Variants in CSRNP1 observed in about 807,000 individuals in gnomAD.
The protein encoded by CSRNP1 is cysteine and serine rich nuclear protein 1.
CSRNP1 carries 8 observed loss-of-function variants against 25.0 expected under a neutral mutation model. That is an observed-to-expected ratio of 0.32 (90% CI 0.19 to 0.58). The LOEUF is 0.58. Among genes scored for constraint, CSRNP1 ranks in the 20% least tolerant of loss-of-function variants. CSRNP1 has a pLI of 0.88. For missense variants in CSRNP1, 691 were observed against 773.1 expected (o/e 0.89, Z 1.26); for synonymous variants, 305 against 303.1 (o/e 1.01, Z -0.06).
chr3:39,144,289 G>A lies in CSRNP1; in HGVS notation c.628C>T (p.Leu210=). 1 of 1,614,156 alleles carries A rather than the reference G, an allele frequency of 6.2e-7. No homozygotes were observed. Among genetic ancestry groups the A allele is most frequent in the Non-Finnish European group, 8.5e-7 (1 of 1,180,016 alleles). ...QPYPARRRRA[L]LRASGVRRID... ...CTTCGCACACCTGAAGCCCTCAGCA[G>A]AGCTCGACGTCGCCGGGCTGGGTAG... Residue 210 remains leucine, a synonymous_variant, in exon 4 of 5, where the codon CTG becomes TTG. Coordinates refer to ENST00000273153, the MANE Select transcript of CSRNP1 (RefSeq NM_033027.4).
In CSRNP1 at chr3:39,144,302, C is replaced by T; in HGVS notation, c.615G>A (p.Arg205=). 2 of 1,614,198 alleles carry T rather than the reference C, an allele frequency of 1.2e-6. No individual in the cohort carries two copies. The highest frequency in any genetic ancestry group is 1.1e-5 in the South Asian group (1 of 91,090). ...AAGCCCTCAGCAGAGCTCGACGTCG[C>T]CGGGCTGGGTAGGGCTGTAGGAAGC... ...EVSFLQPYPA[R]RRRALLRASG... Residue 205 remains arginine (R), a synonymous_variant, in exon 4 of 5, where the codon CGG becomes CGA. Coordinates refer to ENST00000273153, the MANE Select transcript of CSRNP1 (RefSeq NM_033027.4).
chr3:39,145,380 T>G, intron 2 of CSRNP1, 124 bp from the exon 3 acceptor site: 2 of 1,220,926 alleles, frequency 1.6e-6, no homozygotes, highest in Non-Finnish European at 2.2e-6. Flanking sequence ...CCACCCATTT[T>G]GAAAAAAGAA....
chr3:39,147,054 C>T (rs1302058509), intron 1 of CSRNP1, among the ~76,000 whole-genome samples: 1 of 151,382 alleles, frequency 6.6e-6, no homozygotes, highest in African/African-American at 2.5e-5. Flanking sequence ...AAAACACACA[C>T]ACACACACAC....
intron 1 of CSRNP1, chr3:39,151,665 GT>G (rs1422263000): frequency 1.3e-5 from 2 of 152,402 alleles, no homozygotes; most frequent in African/African-American, 4.8e-5. Flanking sequence ...CATGACCCCT[GT>G]CCCTCAGGAA....
rs1474637303 is a variant in CSRNP1 at position 39,143,330 on chromosome 3, A to G, written c.1495T>C (p.Leu499=). The G allele has an allele frequency of 9.3e-6, 15 of 1,614,106 alleles. No individual in the cohort carries two copies. The highest frequency in any genetic ancestry group is 1.2e-5 in the Non-Finnish European group (14 of 1,180,044). Residue 499 remains leucine, a synonymous_variant, in exon 5 of 5, where the codon TTG becomes CTG. Coordinates refer to ENST00000273153, the MANE Select transcript of CSRNP1 (RefSeq NM_033027.4). ...AACTCAAAGGAGTCACAAGAAGACA[A>G]GCTGAGATCCACTGAGCTACTCCGG... ...AGRSSSVDLS[L]SSCDSFELLQ...
Position 39,143,613 on chromosome 3 carries a change from C to T in CSRNP1, c.1212G>A (p.Gly404=), listed in dbSNP as rs1328562199. Residue 404 remains glycine, a synonymous_variant, in exon 5 of 5, where the codon GGG becomes GGA. Transcript: ENST00000273153. The part of the protein sequence containing the change: ...ILSFSDSDFG[G]EEEEEEEGSV... ...TCCCTTCCTCCTCTTCCTCCTCCTC[C>T]CCACCGAAGTCAGAGTCACTGAAAC... The T allele has an allele frequency of 3.7e-6, 6 of 1,614,112 alleles. No individual in the cohort carries two copies. Among genetic ancestry groups the T allele is most frequent in the Admixed American group, 1.7e-5 (1 of 60,028 alleles).
chr3:39,151,912 G>A (rs1336414085), intron 1 of CSRNP1: 2 of 152,360 alleles, frequency 1.3e-5, no homozygotes, highest in Non-Finnish European at 1.5e-5. Context: ...AAGGGAAACT[G>A]CACCTGACAA....
intron 1 of CSRNP1, 49 bp downstream of exon 1, chr3:39,153,389 C>T (rs1362963416): frequency 2.6e-5 from 6 of 228,708 alleles, no homozygotes; most frequent in Non-Finnish European, 5.7e-5. Context: ...GCTGAATGCC[C>T]CCTCCCCAAA....
chr3:39,146,319 G>A (rs114472137), intron 2 of CSRNP1, among the ~76,000 whole-genome samples, 159 bp downstream of exon 2: 4 of 152,236 alleles, frequency 2.6e-5, no homozygotes, highest in African/African-American at 7.2e-5. Flanking sequence ...GGTGCCCCTG[G>A]ACAGTGGACA....
chr3:39,150,028 A>T (rs1020678542), intron 1 of CSRNP1: 1 of 152,198 alleles, frequency 6.6e-6, no homozygotes, highest in South Asian at 2.1e-4. Flanking sequence ...GTGACACAAA[A>T]GAGATGGTCT....
At position 39,144,227 on chromosome 3, in the gene CSRNP1, C is replaced by T. The variant is rs772414991; in HGVS notation, c.690G>A (p.Leu230=). 4 of 1,614,182 alleles carry T rather than the reference C, an allele frequency of 2.5e-6. No individual in the cohort carries two copies. The East Asian group carries it at 6.7e-5, about 27-fold the overall frequency. The change falls in exon 4 of 5, where the codon CTG becomes CTA. Residue 230 remains leucine, a synonymous_variant. Transcript: ENST00000273153. The part of the protein sequence containing the change: ...DREEKRELQA[L]RQSREDCGCH... The stretch of plus-strand genomic sequence containing the variant: ...AGCCACAATCCTCCCGGGATTGGCG[C>T]AGTGCCTGCAGCTCCCGCTTCTCCT...
At position 39,142,893 on chromosome 3, in the gene CSRNP1, C is replaced by T. The variant is rs2039433047; in HGVS notation, c.*162G>A. 3.5e-6 allele frequency: 3 copies of T among 869,258 alleles called. No homozygotes were observed. The highest frequency in any genetic ancestry group is 5.1e-6 in the Non-Finnish European group (3 of 586,284). 53.8% of individuals were successfully genotyped at this position (869,258 alleles called of 1,614,324 possible). On this transcript the variant is annotated 3_prime_UTR_variant, in exon 5 of 5. Transcript: ENST00000273153. ...TCTCTTCAGCACAGAAAAGTTAAAA[C>T]AAATAAATAAATCCAGAGAATTGTT... is the stretch of plus-strand genomic sequence containing the variant.
chr3:39,150,873 C>T (rs1384801482), intron 1 of CSRNP1: 3 of 152,168 alleles, frequency 2.0e-5, no homozygotes, highest in Admixed American at 6.5e-5. Context: ...ATCTGCAGAG[C>T]GGGAATGAAA....
chr3:39,143,317 T>G lies in CSRNP1; in HGVS notation c.1508A>C (p.Asp503Ala). The G allele has an allele frequency of 5.0e-6, 8 of 1,613,102 alleles. No homozygotes were observed. Among genetic ancestry groups the G allele is most frequent in the Non-Finnish European group, 6.8e-6 (8 of 1,179,744 alleles). The change falls in exon 5 of 5, where the codon GAC (aspartate) becomes GCC (alanine). Residue 503 changes from aspartate (D) to alanine (A), a missense_variant. Physicochemically the swap from Asp to Ala is moderately radical, Grantham distance 126 (BLOSUM62 -2). Coordinates refer to ENST00000273153, the MANE Select transcript of CSRNP1 (RefSeq NM_033027.4). ...SSVDLSLSSC[D>A]SFELLQALPD... ...CAGAGCCTGGAGTAACTCAAAGGAG[T>G]CACAAGAAGACAAGCTGAGATCCAC... is the stretch of plus-strand genomic sequence containing the variant.
chr3:39,143,885 C>T lies in CSRNP1; in HGVS notation c.940G>A (p.Ala314Thr). 1 of 1,614,162 alleles carries T rather than the reference C, an allele frequency of 6.2e-7. No homozygotes were observed. The highest frequency in any genetic ancestry group is 8.5e-7 in the Non-Finnish European group (1 of 1,180,008). ...CTGGGTGGGCTGCCCTGGGCAGGGG[C>T]CTCCAGCTCCCTAAAGCTCTCAGCC... is the stretch of plus-strand genomic sequence containing the variant. ...QEAESFRELE[A>T]PAQGSPPSPG... Residue 314 changes from alanine (A) to threonine (T), a missense_variant, in exon 5 of 5, where the codon GCC (alanine) becomes ACC (threonine). Ala to Thr is a moderately conservative substitution (Grantham distance 58). Coordinates refer to ENST00000273153, the MANE Select transcript of CSRNP1 (RefSeq NM_033027.4).
At chr3:39,148,859 G>A (rs1406383397) in intron 1 of CSRNP1, 4 of 152,012 alleles carry the variant, frequency 2.6e-5, no homozygotes, top group African/African-American at 7.2e-5. Flanking sequence ...TCGGCTCCAG[G>A]ACCAGACTGC....
intron 2 of CSRNP1, among the ~76,000 whole-genome samples, chr3:39,146,015 A>G (rs1201555047): frequency 6.6e-6 from 1 of 152,230 alleles, no homozygotes; most frequent in African/African-American, 2.4e-5. Flanking sequence ...TCAGTCTGGA[A>G]TCACAACTAT....
chr3:39,143,681 A>G lies in CSRNP1; in HGVS notation c.1144T>C (p.Phe382Leu). 6.2e-7 allele frequency: 1 copy of G among 1,614,216 alleles called. No individual in the cohort carries two copies. The highest frequency in any genetic ancestry group is 8.5e-7 in the Non-Finnish European group (1 of 1,180,030). Residue 382 changes from phenylalanine (F) to leucine (L), a missense_variant, in exon 5 of 5, where the codon TTC (phenylalanine) becomes CTC (leucine). Physicochemically the swap from Phe to Leu is conservative, Grantham distance 22. Transcript: ENST00000273153. Reference sequence around the variant, plus strand: ...CTGTCATCATCAACGCCAGGCTGGAAGCCAGGGCCAGGCAGGCCTGGGTGG... The same window carrying G: ...CTGTCATCATCAACGCCAGGCTGGAGGCCAGGGCCAGGCAGGCCTGGGTGG... ...PTHPGLPGPGFQPGVDDDSLA... is the reference protein window; with the variant it reads ...PTHPGLPGPGLQPGVDDDSLA...
In CSRNP1 at chr3:39,144,316, G is replaced by T; in HGVS notation, c.601C>A (p.Pro201Thr). Residue 201 changes from proline to threonine, a missense_variant, in exon 4 of 5, where the codon CCC becomes ACC. Coordinates refer to ENST00000273153, the MANE Select transcript of CSRNP1 (RefSeq NM_033027.4). ...GCTCGACGTCGCCGGGCTGGGTAGGGCTGTAGGAAGCTCACTTCTTCCAAC... is the reference window on the plus strand; with the variant it reads ...GCTCGACGTCGCCGGGCTGGGTAGGTCTGTAGGAAGCTCACTTCTTCCAAC... ...GRLEEVSFLQ[P>T]YPARRRRALL... 6.2e-7 allele frequency: 1 copy of T among 1,614,158 alleles called. No homozygotes were observed. The highest frequency in any genetic ancestry group is 2.2e-5 in the East Asian group (1 of 44,876).
Sources: allele counts gnomAD v4.1 joint callset (sites outside exome capture counted in the v4.1 genomes callset), GRCh38; gene constraint gnomAD v4.1.1; transcripts MANE v1.5; gene names NCBI Gene and HGNC (gene_info 2026-07-23, HGNC 2026-07-21).